Variants in COL7A1 observed in about 807,000 individuals in gnomAD.
COL7A1 encodes the protein collagen alpha-1(VII) chain.
Under a neutral mutation model 456.2 loss-of-function variants are expected in COL7A1, and 296 were observed. That is an observed-to-expected ratio of 0.65 (90% CI 0.59 to 0.71). The LOEUF (loss-of-function observed/expected upper bound fraction) is 0.71. Among genes scored for constraint, COL7A1 ranks in the 30% least tolerant of loss-of-function variants. COL7A1 has a pLI of 0.00. For synonymous variants in COL7A1, 1,464 were observed against 1,525.9 expected (o/e 0.96, Z 0.95); for missense variants, 3,441 against 4,017.2 (o/e 0.86, Z 3.88).
In COL7A1 at chr3:48,590,495, C is replaced by T. The variant is rs1459244934; in HGVS notation, c.1870G>A (p.Ala624Thr). The change falls in exon 15 of 119, where the codon GCC (alanine) becomes ACC (threonine). Residue 624 changes from alanine (A) to threonine (T), a missense_variant. Transcript: ENST00000681320. This position sits in a 1 kb window ranked among gnomAD's most constrained non-coding sequence, Gnocchi z 4.6. ...CTCCAGCTAATCCGAAATCCACTGG[C>T]TCCAGGGACGGGTCCCCAGGCCACC... Reference protein sequence around the residue: ...VRVAWGPVPGASGFRISWSTG... With the variant: ...VRVAWGPVPGTSGFRISWSTG... The T allele has an allele frequency of 1.9e-6, 3 of 1,614,078 alleles. No homozygotes were observed. Among genetic ancestry groups the T allele is most frequent in the Non-Finnish European group, 2.5e-6 (3 of 1,180,050 alleles).
Position 48,584,362 on chromosome 3 carries a change from G to A in COL7A1, c.4133C>T (p.Pro1378Leu). ...GDPGPSGPPG[P>L]RGPLGDPGPR... ...TCCTGGGTCCCCCAGTGGTCCACGA[G>A]GTCCAGGGGGGCCCTGATGGAGGAG... The change falls in exon 37 of 119, where the codon CCT becomes CTT. Residue 1378 changes from proline to leucine, a missense_variant. By Grantham distance (98) the Pro-to-Leu change is moderately conservative (BLOSUM62 -3). This residue lies in a region of COL7A1 where 2,084 missense variants were observed against 2,501.3 expected (regional missense o/e 0.83). Transcript: ENST00000681320. The A allele has an allele frequency of 6.2e-7, 1 of 1,613,616 alleles. No homozygotes were observed. The highest frequency in any genetic ancestry group is 8.5e-7 in the Non-Finnish European group (1 of 1,179,756).
At position 48,581,957 on chromosome 3, in the gene COL7A1, G is replaced by A. The variant is rs753797661; in HGVS notation, c.4636-14C>T. The A allele has an allele frequency of 6.2e-7, 1 of 1,613,928 alleles. No homozygotes were observed. The highest frequency in any genetic ancestry group is 8.5e-7 in the Non-Finnish European group (1 of 1,180,028). On this transcript the variant is annotated splice_polypyrimidine_tract_variant and intron_variant, in intron 47 of 118. Coordinates refer to ENST00000681320, the MANE Select transcript of COL7A1 (RefSeq NM_000094.4). The surrounding 1 kb of genome is among the most constrained non-coding windows in gnomAD (Gnocchi z 5.8). The stretch of plus-strand genomic sequence containing the variant: ...AACAGCAGGTCCCTGAAAACAAACA[G>A]GACAGATACAGCTTGGCCCTGCCTT...
chr3:48,576,388 T>C lies in COL7A1; in HGVS notation c.5772+12A>G. On this transcript the variant is annotated intron_variant, in intron 70 of 118. Coordinates refer to ENST00000681320, the MANE Select transcript of COL7A1 (RefSeq NM_000094.4). ...TGGCTACCTGGGCATGTGGAAAAGG[T>C]GGGGGCCTCACCTGCTCCCCTTTGG... 3 of 1,613,630 alleles carry C rather than the reference T, an allele frequency of 1.9e-6. No homozygotes were observed. Among genetic ancestry groups the C allele is most frequent in the Middle Eastern group, 1.7e-4 (1 of 6,060 alleles).
chr3:48,589,798 G>A, intron 16 of COL7A1, 80 bp from the exon 17 acceptor site: 1 of 1,597,768 alleles, frequency 6.3e-7, no homozygotes, highest in Non-Finnish European at 8.6e-7. Flanking sequence ...GATGATGGGA[G>A]TCTAACAGGA....
chr3:48,588,785 C>A lies in COL7A1; in HGVS notation c.2444G>T (p.Gly815Val), dbSNP rs200854297. 1 of 1,613,872 alleles carries A rather than the reference C, an allele frequency of 6.2e-7. No individual in the cohort carries two copies. Among genetic ancestry groups the A allele is most frequent in the East Asian group, 2.2e-5 (1 of 44,886 alleles). Reference protein sequence around the residue: ...YRLAWGRSEGGPMRHQILPGN... With the variant: ...YRLAWGRSEGVPMRHQILPGN... Reference sequence around the variant, plus strand: ...TGGGAGTATCTGGTGCCTCATGGGGCCGCCTGGCCAGGTGGGCATACAGCA... The same window carrying A: ...TGGGAGTATCTGGTGCCTCATGGGGACGCCTGGCCAGGTGGGCATACAGCA... Residue 815 changes from glycine to valine, a missense_variant, in exon 20 of 119, where the codon GGC (glycine) becomes GTC (valine). By Grantham distance (109) the Gly-to-Val change is moderately radical. Coordinates refer to ENST00000681320, the MANE Select transcript of COL7A1 (RefSeq NM_000094.4). This position sits in a 1 kb window ranked among gnomAD's most constrained non-coding sequence, Gnocchi z 4.6.
rs751904594 is a variant in COL7A1, at chr3:48,574,799, T to G, written c.6346A>C (p.Lys2116Gln). 6 of 1,613,962 alleles carry G rather than the reference T, an allele frequency of 3.7e-6. No homozygotes were observed. In the South Asian group the frequency reaches 6.6e-5, roughly 18 times the overall value. Residue 2116 changes from lysine to glutamine, a missense_variant and splice_region_variant, in exon 77 of 119, where the codon AAG becomes CAG. Transcript: ENST00000681320. The surrounding 1 kb of genome is among the most constrained non-coding windows in gnomAD (Gnocchi z 5.0). ...CCGAGCTGATTCCACACACTGACCT[T>G]AGCACCCTTGAGTCCAGGGGGTCCC... ...EQGPPGLKGA[K>Q]GEPGSNGDQG... is the part of the protein sequence containing the mutation.
In COL7A1 at chr3:48,583,779, C is replaced by T; in HGVS notation, c.4280G>A (p.Gly1427Asp). Residue 1427 changes from glycine to aspartate, a missense_variant and splice_region_variant, in exon 40 of 119, where the codon GGT (glycine) becomes GAT (aspartate). By Grantham distance (94) the Gly-to-Asp change is moderately conservative. Transcript: ENST00000681320. This position sits in a 1 kb window ranked among gnomAD's most constrained non-coding sequence, Gnocchi z 5.1. ...TTGGGGTCCAGGGCTTCCGGGAAGA[C>T]CCTAGGAAGAAGTGAGTAAAAATAT... Reference protein sequence around the residue: ...GIAPGEPGLPGLPGSPGPQGP... With the variant: ...GIAPGEPGLPDLPGSPGPQGP... 6.2e-7 allele frequency: 1 copy of T among 1,613,808 alleles called. No homozygotes were observed.
At position 48,588,746 on chromosome 3, in the gene COL7A1, G is replaced by C. The variant is rs774179356; in HGVS notation, c.2483C>G (p.Ser828Cys). 2.5e-6 allele frequency: 4 copies of C among 1,613,914 alleles called. No homozygotes were observed. Among genetic ancestry groups the C allele is most frequent in the Non-Finnish European group, 2.5e-6 (3 of 1,180,052 alleles). Reference protein sequence around the residue: ...RHQILPGNTDSAEIRGLEGGV... With the variant: ...RHQILPGNTDCAEIRGLEGGV... ...ACCTTCGAGACCCCGGATCTCTGCA[G>C]AGTCTGTGTTTCCTGGGAGTATCTG... Residue 828 changes from serine (S) to cysteine (C), a missense_variant, in exon 20 of 119, where the codon TCT becomes TGT. By Grantham distance (112) the Ser-to-Cys change is moderately radical. Transcript: ENST00000681320. This position sits in a 1 kb window ranked among gnomAD's most constrained non-coding sequence, Gnocchi z 4.6.
Position 48,592,156 on chromosome 3 carries a change from T to A in COL7A1, c.1186A>T (p.Ser396Cys), listed in dbSNP as rs202192755. ...CCCACACTGCGGCCAAATAGGGTGC[T>A]CACGGTCACCTCATAGTCCGTGCCA... ...EPGTDYEVTV[S>C]TLFGRSVGPA... Residue 396 changes from serine (S) to cysteine (C), a missense_variant, in exon 10 of 119, where the codon AGC (serine) becomes TGC (cysteine). Around this residue, in one of 3 missense-constraint regions of COL7A1, gnomAD observed 913 missense variants for 1,088.2 expected, o/e 0.84. Coordinates refer to ENST00000681320, the MANE Select transcript of COL7A1 (RefSeq NM_000094.4). This position sits in a 1 kb window ranked among gnomAD's most constrained non-coding sequence, Gnocchi z 7.6. The A allele has an allele frequency of 1.5e-5, 25 of 1,614,076 alleles. No individual in the cohort carries two copies. In the Admixed American group the frequency reaches 4.2e-4, roughly 27 times the overall value.
chr3:48,580,213 C>T lies in COL7A1; in HGVS notation c.5097+87G>A, dbSNP rs1337620609. 2.6e-6 allele frequency: 4 copies of T among 1,560,326 alleles called. No individual in the cohort carries two copies. Among genetic ancestry groups the T allele is most frequent in the South Asian group, 1.1e-5 (1 of 87,414 alleles). ...GGCCATCCATGCTTCCCACCTGGAC[C>T]TCCAGACCCCTTGTGTGAAGGCACA... On this transcript the variant is annotated intron_variant, in intron 56 of 118. Coordinates refer to ENST00000681320, the MANE Select transcript of COL7A1 (RefSeq NM_000094.4). This position sits in a 1 kb window ranked among gnomAD's most constrained non-coding sequence, Gnocchi z 4.5.
chr3:48,586,925 TG>T lies in COL7A1; in HGVS notation c.3276+46del. On this transcript the variant is annotated intron_variant, in intron 25 of 118. Coordinates refer to ENST00000681320, the MANE Select transcript of COL7A1 (RefSeq NM_000094.4). The surrounding 1 kb of genome is among the most constrained non-coding windows in gnomAD (Gnocchi z 5.1). Reference sequence around the variant, plus strand: ...GATGGTAACTGGTATGGAGCCTGGGTGGGGGGCCTCAGGGAGAGGTAGAATC... The same window carrying T: ...GATGGTAACTGGTATGGAGCCTGGGTGGGGGCCTCAGGGAGAGGTAGAATC... 1.9e-6 allele frequency: 3 copies of T among 1,561,082 alleles called. No homozygotes were observed. The highest frequency in any genetic ancestry group is 1.9e-5 in the Admixed American group (1 of 51,706).
At chr3:48,576,077 G>A (rs1388596848) in intron 71 of COL7A1, among the ~76,000 whole-genome samples, 172 bp downstream of exon 71, 3 of 152,184 alleles carry the variant, frequency 2.0e-5, no homozygotes, top group Non-Finnish European at 1.5e-5. Context: ...TTTCTGGTGT[G>A]TCCCCACTGC....
Position 48,567,229 on chromosome 3 carries a change from C to A in COL7A1, c.8047-39G>T. 5.6e-6 allele frequency: 9 copies of A among 1,611,274 alleles called. No individual in the cohort carries two copies. Among genetic ancestry groups the A allele is most frequent in the Non-Finnish European group, 7.6e-6 (9 of 1,178,762 alleles). On this transcript the variant is annotated intron_variant, in intron 109 of 118. Transcript: ENST00000681320. The surrounding 1 kb of genome is among the most constrained non-coding windows in gnomAD (Gnocchi z 4.3). The stretch of plus-strand genomic sequence containing the variant: ...AAGCATGAGAGACCTTCTGCCCTGA[C>A]CTCCCTCAGCTCTGGAACCTCCCTG...
At position 48,573,769 on chromosome 3, in the gene COL7A1, C is replaced by A; in HGVS notation, c.6538-44G>T. On this transcript the variant is annotated intron_variant, in intron 81 of 118. Coordinates refer to ENST00000681320, the MANE Select transcript of COL7A1 (RefSeq NM_000094.4). This position sits in a 1 kb window ranked among gnomAD's most constrained non-coding sequence, Gnocchi z 5.5. ...GTCTGATGAGGGGGAGTTAGCCGCA[C>A]CCCACCAAGGAAACTGAGGCAGTAC... The A allele has an allele frequency of 1.2e-6, 2 of 1,613,910 alleles. No individual in the cohort carries two copies. The highest frequency in any genetic ancestry group is 1.7e-6 in the Non-Finnish European group (2 of 1,179,948).
At position 48,566,811 on chromosome 3, in the gene COL7A1, G is replaced by T; in HGVS notation, c.8227-74C>A. 6.3e-7 allele frequency: 1 copy of T among 1,592,904 alleles called. No individual in the cohort carries two copies. The highest frequency in any genetic ancestry group is 8.6e-7 in the Non-Finnish European group (1 of 1,162,868). On this transcript the variant is annotated intron_variant, in intron 111 of 118. Coordinates refer to ENST00000681320, the MANE Select transcript of COL7A1 (RefSeq NM_000094.4). This position sits in a 1 kb window ranked among gnomAD's most constrained non-coding sequence, Gnocchi z 5.9. ...AGAGTCAGGCAGGTTGGGGGCCACA[G>T]CTTCAGAGGTTGGGGCAGGCAGGCT...
At position 48,571,232 on chromosome 3, in the gene COL7A1, G is replaced by C. The variant is rs1357739448; in HGVS notation, c.7104+11C>G. 6.2e-7 allele frequency: 1 copy of C among 1,614,094 alleles called. No individual in the cohort carries two copies. The highest frequency in any genetic ancestry group is 1.1e-5 in the South Asian group (1 of 91,078). ...CAGGACCCCAGCAGGGACCCTTCTG[G>C]GTACACATACCTTGAAACCTTTGGG... On this transcript the variant is annotated intron_variant, in intron 93 of 118. Coordinates refer to ENST00000681320, the MANE Select transcript of COL7A1 (RefSeq NM_000094.4). This position sits in a 1 kb window ranked among gnomAD's most constrained non-coding sequence, Gnocchi z 4.6.
Position 48,566,706 on chromosome 3 carries a change from A to G in COL7A1, c.8258T>C (p.Val2753Ala). 1 of 1,613,680 alleles carries G rather than the reference A, an allele frequency of 6.2e-7. No individual in the cohort carries two copies. The highest frequency in any genetic ancestry group is 8.5e-7 in the Non-Finnish European group (1 of 1,179,868). The change falls in exon 112 of 119, where the codon GTG (valine) becomes GCG (alanine). Residue 2753 changes from valine to alanine, a missense_variant. Transcript: ENST00000681320. This position sits in a 1 kb window ranked among gnomAD's most constrained non-coding sequence, Gnocchi z 5.9. ...AGCTCCAGGGACCCCAGGAGCCCCC[A>G]CCACTCTCTCTCCGGGGGGACCTCG... ...GERGPPGERV[V>A]GAPGVPGAPG...
chr3:48,579,358 C>T lies in COL7A1; in HGVS notation c.5307+11G>A, dbSNP rs769041584. ...AGGCTCATGTCCTGAGAAACCCCCA[C>T]ACCCTCTCACCTTTTCTCCTGCTGG... On this transcript the variant is annotated intron_variant, in intron 61 of 118. Transcript: ENST00000681320. This position sits in a 1 kb window ranked among gnomAD's most constrained non-coding sequence, Gnocchi z 4.4. 2 of 1,614,206 alleles carry T rather than the reference C, an allele frequency of 1.2e-6. No individual in the cohort carries two copies. Among genetic ancestry groups the T allele is most frequent in the Admixed American group, 1.7e-5 (1 of 60,028 alleles).
rs766010183 is a variant in COL7A1, at chr3:48,579,750, G to C, written c.5154+35C>G. 3 of 1,613,934 alleles carry C rather than the reference G, an allele frequency of 1.9e-6. No individual in the cohort carries two copies. Among genetic ancestry groups the C allele is most frequent in the Non-Finnish European group, 2.5e-6 (3 of 1,180,004 alleles). ...TAGAACCTGCTGGGAGGGGCACTGG[G>C]GTCTTTCTTACCCTCCACCCACAGA... On this transcript the variant is annotated intron_variant, in intron 58 of 118. Transcript: ENST00000681320. This position sits in a 1 kb window ranked among gnomAD's most constrained non-coding sequence, Gnocchi z 4.4.
Sources: gnomAD v4.1 joint callset for allele counts (sites outside exome capture counted in the v4.1 genomes callset) on GRCh38, gnomAD v4.1.1 for gene constraint, gnomAD v4.1.1 regional missense constraint, Gnocchi (gnomAD v3.1) non-coding constraint, MANE v1.5 for transcripts, NCBI Gene and HGNC (gene_info 2026-07-23, HGNC 2026-07-21) for gene names.